The following PSG8 variants were observed in gnomAD, a reference collection of about 807,000 sequenced individuals.
PSG8 encodes pregnancy-specific beta-1-glycoprotein 8.
PSG8 carries 57 observed loss-of-function variants against 42.5 expected under a neutral mutation model. That is an observed-to-expected ratio of 1.34 (90% CI 1.08 to 1.67). The LOEUF is 1.67. PSG8 is among the 40% of genes most tolerant of loss of function. PSG8 has a pLI of 0.00. For synonymous variants in PSG8, 280 were observed against 196.8 expected, an observed-to-expected ratio of 1.42 and a Z score of -3.54; for missense variants, 783 against 518.6, an observed-to-expected ratio of 1.51 and a Z score of -4.95.
rs144649816 is a variant in PSG8, at chr19:42,756,342, T to G, written c.710-1076A>C. 7.9e-4 allele frequency among the ~76,000 whole-genome samples: 120 copies of G among 152,314 alleles called. 2 individuals carry two copies. In the East Asian group the frequency reaches 0.017, roughly 21 times the overall value. ...GAGAATCAGAAGTTGTTCATGGGTGTGCAGTTTCATTTATGCAAGGTGGGG... is the reference window on the plus strand; with the variant it reads ...GAGAATCAGAAGTTGTTCATGGGTGGGCAGTTTCATTTATGCAAGGTGGGG... On this transcript the variant is annotated intron_variant, in intron 3 of 4. Transcript: ENST00000306511.
intron 3 of PSG8, among the ~76,000 whole-genome samples, chr19:42,757,456 G>C (rs1969954342): frequency 6.6e-6 from 1 of 152,000 alleles, no homozygotes; most frequent in Non-Finnish European, 1.5e-5. Flanking sequence ...AAGAACACTT[G>C]TGCTGATTGC....
chr19:42,762,988 C>T (rs1298298704), intron 2 of PSG8, among the ~76,000 whole-genome samples: 1 of 152,102 alleles, frequency 6.6e-6, no homozygotes, highest in African/African-American at 2.4e-5. Flanking sequence ...GGGACTGTGT[C>T]TTCCTGTACC....
intron 1 of PSG8, among the ~76,000 whole-genome samples, chr19:42,764,779 G>T (rs980506566): frequency 6.6e-6 from 1 of 152,110 alleles, no homozygotes; most frequent in Admixed American, 6.5e-5. Context: ...AGCTCCATGA[G>T]GACAGGGATT....
chr19:42,752,998 T>C, downstream of PSG8: 5 of 501,862 alleles, frequency 1.0e-5, no homozygotes, highest in South Asian at 1.3e-4. Flanking sequence ...CCTCAGAAGC[T>C]ACTACATGTG....
At position 42,757,581 on chromosome 19, in the gene PSG8, G is replaced by A. The variant is rs1390193451; in HGVS notation, c.709+421C>T. The stretch of plus-strand genomic sequence containing the variant: ...ATAGGTGTATGAGGAGGAAATGGTG[G>A]GGGCATCCAGGCCATGTGGAGCAAA... On this transcript the variant is annotated intron_variant, in intron 3 of 4. Transcript: ENST00000306511. Among the ~76,000 whole-genome samples, 4 of 152,224 alleles carry A rather than the reference G, an allele frequency of 2.6e-5. No homozygotes were observed. The East Asian group carries it at 5.8e-4, about 22-fold the overall frequency.
intron 2 of PSG8, among the ~76,000 whole-genome samples, chr19:42,762,451 G>A (rs1243202755): frequency 1.3e-5 from 2 of 152,166 alleles, no homozygotes; most frequent in South Asian, 2.1e-4. Context: ...TGAAGGACAA[G>A]GGACAGGTGT....
chr19:42,756,697 G>C (rs1969935452), intron 3 of PSG8, among the ~76,000 whole-genome samples: 1 of 151,996 alleles, frequency 6.6e-6, no homozygotes. Flanking sequence ...TGCCTCACTC[G>C]TATATTTTTG....
intron 2 of PSG8, among the ~76,000 whole-genome samples, chr19:42,762,418 G>A (rs1454108656): frequency 6.6e-6 from 1 of 152,066 alleles, no homozygotes; most frequent in Non-Finnish European, 1.5e-5. Context: ...GTAGTGGGGG[G>A]ATGAAACATG....
At position 42,760,125 on chromosome 19, in the gene PSG8, C is replaced by G. The variant is rs963909276; in HGVS notation, c.431-1845G>C. Among the ~76,000 whole-genome samples the G allele has an allele frequency of 4.6e-5, 7 of 152,290 alleles. No individual in the cohort carries two copies. In the East Asian group the frequency reaches 5.8e-4, roughly 13 times the overall value. On this transcript the variant is annotated intron_variant, in intron 2 of 4. Transcript: ENST00000306511. ...ATGTGAAATGCTTTCTTCATTTTCTCTTAAGCTCAGGAAACACCACTAGAG... is the reference window on the plus strand; with the variant it reads ...ATGTGAAATGCTTTCTTCATTTTCTGTTAAGCTCAGGAAACACCACTAGAG...
chr19:42,764,386 A>G (rs1197235272), intron 1 of PSG8, 105 bp from the exon 2 acceptor site: 1 of 1,485,610 alleles, frequency 6.7e-7, no homozygotes, highest in Non-Finnish European at 9.1e-7. Flanking sequence ...AGCCTTGAAG[A>G]CACAGACACA....
Position 42,763,932 on chromosome 19 carries a change from G to C in PSG8, c.414C>G (p.Phe138Leu). The change falls in exon 2 of 5, where the codon TTC (phenylalanine) becomes TTG (leucine). Residue 138 changes from phenylalanine (F) to leucine (L), a missense_variant. Transcript: ENST00000306511. ...ATCACTCACGATATAAGGTGAAGGT[G>C]AAATGTCCAGTTACTCCTCTATTCT... ...GDENRGVTGH[F>L]TFTLYLETPK... 1 of 1,613,750 alleles carries C rather than the reference G, an allele frequency of 6.2e-7. No individual in the cohort carries two copies. Among genetic ancestry groups the C allele is most frequent in the Non-Finnish European group, 8.5e-7 (1 of 1,179,784 alleles).
intron 3 of PSG8, chr19:42,755,648 A>T (rs948830547): frequency 1.2e-4 from 37 of 319,892 alleles, no homozygotes; most frequent in African/African-American, 2.1e-5. Flanking sequence ...TCCATCCTAC[A>T]TTGTCCCCCT....
At chr19:42,765,401 C>T (rs1374100078) in intron 1 of PSG8, 117 bp downstream of exon 1, 4 of 1,496,296 alleles carry the variant, frequency 2.7e-6, no homozygotes, top group Non-Finnish European at 2.7e-6. Context: ...ATCCACCTGC[C>T]TCAGCCTCCC....
At chr19:42,755,373 C>T (rs1671660809) in intron 3 of PSG8, 107 bp from the exon 4 acceptor site, 1 of 1,546,938 alleles carries the variant, frequency 6.5e-7, no homozygotes, top group Non-Finnish European at 8.7e-7. Context: ...CACCCGAGTC[C>T]TTGAAAGCCA....
chr19:42,757,597 G>C (rs973488596), intron 3 of PSG8, among the ~76,000 whole-genome samples: 9 of 152,146 alleles, frequency 5.9e-5, no homozygotes, highest in African/African-American at 2.2e-4. Context: ...TCCAGGCCAT[G>C]TGGAGCAAAG....
intron 2 of PSG8, chr19:42,763,670 C>G (rs1026753951): frequency 8.4e-5 from 60 of 711,158 alleles, no homozygotes; most frequent in Non-Finnish European, 1.3e-4. Flanking sequence ...TCTCCTCCTG[C>G]TGAGTCCCCC....
In PSG8 at chr19:42,754,249, T is replaced by G. The variant is rs371564796; in HGVS notation, c.*46A>C. The G allele has an allele frequency of 1.6e-4, 255 of 1,601,200 alleles. 1 individual carries two copies. Among genetic ancestry groups the G allele is most frequent in the Non-Finnish European group, 2.1e-4 (241 of 1,173,918 alleles). On this transcript the variant is annotated 3_prime_UTR_variant, in exon 5 of 5. Coordinates refer to ENST00000306511, the MANE Select transcript of PSG8 (RefSeq NM_182707.3). ...GTGCCCATGGGACGCAGGCTGGGAA[T>G]AAAAATGTTTTCCTGACTCTTCCCT...
At chr19:42,760,309 C>A (rs1316577290) in intron 2 of PSG8, among the ~76,000 whole-genome samples, 1 of 152,168 alleles carries the variant, frequency 6.6e-6, no homozygotes, top group Non-Finnish European at 1.5e-5. Context: ...CACCTGGCCA[C>A]CTCCAACTGG....
intron 3 of PSG8, among the ~76,000 whole-genome samples, chr19:42,757,255 C>T (rs1163884834): frequency 6.6e-6 from 1 of 151,942 alleles, no homozygotes; most frequent in African/African-American, 2.4e-5. Flanking sequence ...TTTCCCTCTC[C>T]CTTTGCAGAG....
Sources: gnomAD v4.1 joint callset for allele counts (sites outside exome capture counted in the v4.1 genomes callset) on GRCh38, gnomAD v4.1.1 for gene constraint, MANE v1.5 for transcripts, NCBI Gene and HGNC (gene_info 2026-07-23, HGNC 2026-07-21) for gene names.